Variants in SOX5 observed in about 807,000 individuals in gnomAD.
SOX5 encodes the protein transcription factor SOX-5.
SOX5 carries 9 observed loss-of-function variants against 92.0 expected under a neutral mutation model. That is an observed-to-expected ratio of 0.10 (90% CI 0.06 to 0.17). SOX5 has a LOEUF of 0.17. SOX5 is among the 10% of genes least tolerant of loss of function. SOX5 has a pLI of 1.00. For synonymous variants in SOX5, 344 were observed against 336.3 expected (o/e 1.02, Z -0.25); for missense variants, 642 against 944.5 (o/e 0.68, Z 4.20).
intron 2 of SOX5, among the ~76,000 whole-genome samples, chr12:23,857,386 A>G (rs1395256231): frequency 2.6e-5 from 4 of 152,204 alleles, no homozygotes; most frequent in African/African-American, 9.6e-5. Context: ...AACTGTTACC[A>G]TGACACATAT....
intron 2 of SOX5, among the ~76,000 whole-genome samples, chr12:24,351,613 C>G (rs79197697): frequency 6.6e-6 from 1 of 152,084 alleles, no homozygotes; most frequent in East Asian, 1.9e-4. Flanking sequence ...TTAAAAATTG[C>G]TAATGTCAAC....
intron 3 of SOX5, among the ~76,000 whole-genome samples, chr12:24,232,079 A>G (rs1031554095): frequency 6.6e-6 from 1 of 152,134 alleles, no homozygotes; most frequent in Non-Finnish European, 1.5e-5. Context: ...AGATGATTCC[A>G]TCTTGCCTTT....
intron 1 of SOX5, among the ~76,000 whole-genome samples, chr12:24,531,965 A>G (rs1951233598): frequency 6.6e-6 from 1 of 152,196 alleles, no homozygotes; most frequent in Admixed American, 6.5e-5. Flanking sequence ...TAGCATGAGG[A>G]CTTTTTCAGC....
chr12:23,627,294 G>T (rs2077956076), intron 8 of SOX5, among the ~76,000 whole-genome samples: 2 of 152,122 alleles, frequency 1.3e-5, no homozygotes, highest in Admixed American at 1.3e-4. Flanking sequence ...ACATTCAGAA[G>T]AAAAGATTTT....
chr12:24,105,446 C>T (rs1946561792), intron 4 of SOX5, among the ~76,000 whole-genome samples: 1 of 152,040 alleles, frequency 6.6e-6, no homozygotes, highest in African/African-American at 2.4e-5. Context: ...GAGACTGAGG[C>T]AGGATAATCA....
intron 2 of SOX5, among the ~76,000 whole-genome samples, chr12:23,887,005 CAAAGA>C (rs2097075167): frequency 6.6e-6 from 1 of 152,040 alleles, no homozygotes; most frequent in Non-Finnish European, 1.5e-5. Flanking sequence ...ACTGGATCAT[CAAAGA>C]AAAGTAAAAT....
intron 4 of SOX5, among the ~76,000 whole-genome samples, chr12:24,140,261 G>T (rs1950464534): frequency 6.6e-6 from 1 of 152,080 alleles, no homozygotes; most frequent in Admixed American, 6.5e-5. Flanking sequence ...GGGTGGTGGT[G>T]TTAGTAGAGA....
intron 1 of SOX5, among the ~76,000 whole-genome samples, chr12:23,915,613 C>T (rs1408115722): frequency 6.6e-6 from 1 of 151,954 alleles, no homozygotes; most frequent in East Asian, 1.9e-4. Flanking sequence ...TAATAGTCTT[C>T]CTACTACCAA....
At chr12:23,632,470 C>T (rs1018744636) in intron 8 of SOX5, among the ~76,000 whole-genome samples, 1 of 152,100 alleles carries the variant, frequency 6.6e-6, no homozygotes, top group African/African-American at 2.4e-5. Context: ...ATCCTCACAT[C>T]TAGATTTTTC....
intron 6 of SOX5, among the ~76,000 whole-genome samples, chr12:23,690,192 T>A (rs1364735619): frequency 6.6e-6 from 1 of 152,178 alleles, no homozygotes; most frequent in South Asian, 2.1e-4. Context: ...GGAAGTATAT[T>A]GGCATTATTT....
intron 2 of SOX5, among the ~76,000 whole-genome samples, chr12:24,311,693 T>C (rs1195625290): frequency 2.0e-5 from 3 of 152,204 alleles, no homozygotes; most frequent in East Asian, 1.9e-4. Context: ...TCAACATTCA[T>C]GTTTATTGAA....
chr12:24,483,882 C>T (rs183720539), intron 1 of SOX5, among the ~76,000 whole-genome samples: 2 of 152,306 alleles, frequency 1.3e-5, no homozygotes, highest in East Asian at 1.9e-4. Flanking sequence ...CTTCAAAGTG[C>T]TTTTTCTAAA....
chr12:24,460,515 G>A (rs908265172), intron 1 of SOX5: 3 of 152,148 alleles, frequency 2.0e-5, no homozygotes, highest in African/African-American at 4.8e-5. Flanking sequence ...TGAAGTAAGT[G>A]AGCAACTTAA....
chr12:24,135,523 C>A (rs895012978), intron 4 of SOX5, among the ~76,000 whole-genome samples: 3 of 152,126 alleles, frequency 2.0e-5, no homozygotes, highest in African/African-American at 7.2e-5. Flanking sequence ...AATGCACTGG[C>A]GTTCTGTGAA....
intron 4 of SOX5, among the ~76,000 whole-genome samples, chr12:24,173,181 C>G (rs1216842860): frequency 6.6e-6 from 1 of 152,214 alleles, no homozygotes; most frequent in Non-Finnish European, 1.5e-5. Context: ...CATGTGTACA[C>G]TTGAGTTTTG....
At chr12:23,578,548 T>C (rs1478642899) in intron 9 of SOX5, among the ~76,000 whole-genome samples, 1 of 152,056 alleles carries the variant, frequency 6.6e-6, no homozygotes, top group Admixed American at 6.6e-5. Flanking sequence ...AGATAACATT[T>C]AAAAATATGT....
chr12:24,442,653 C>T (rs190105574), intron 1 of SOX5, among the ~76,000 whole-genome samples: 184 of 152,202 alleles, frequency 1.2e-3, no homozygotes, highest in African/African-American at 4.0e-3. Context: ...AACTGAGCAG[C>T]GTGATGAAGG....
At chr12:24,188,256 A>G (rs1032551997) in intron 4 of SOX5, among the ~76,000 whole-genome samples, 1 of 152,178 alleles carries the variant, frequency 6.6e-6, no homozygotes, top group Admixed American at 6.6e-5. Context: ...AAGGAGGAAA[A>G]GCAAAGTTTT....
intron 3 of SOX5, among the ~76,000 whole-genome samples, chr12:23,773,476 A>G (rs1258004286): frequency 6.6e-6 from 1 of 152,128 alleles, no homozygotes; most frequent in East Asian, 1.9e-4. Context: ...GGCTCAAGGG[A>G]ATCTCCTGCC....
Sources: allele counts gnomAD v4.1 joint callset (sites outside exome capture counted in the v4.1 genomes callset), GRCh38; gene constraint gnomAD v4.1.1; transcripts MANE v1.5; gene names NCBI Gene and HGNC (gene_info 2026-07-23, HGNC 2026-07-21).